KAZN: variants seen among roughly 807,000 people sequenced by gnomAD.
KAZN encodes kazrin.
A neutral mutation model predicts 87.4 loss-of-function variants in KAZN; 40 were observed. The ratio of observed to expected loss-of-function variants is 0.46; its 90% CI spans 0.36 to 0.60. The LOEUF is 0.60. KAZN is among the 20% of genes least tolerant of loss of function. The pLI, the probability that KAZN is intolerant of heterozygous loss-of-function variation, is 0.00. For synonymous variants in KAZN, 466 were observed against 458.3 expected (o/e 1.02, Z -0.22); for missense variants, 898 against 1,073.9 (o/e 0.84, Z 2.29).
intron 2 of KAZN, among the ~76,000 whole-genome samples, chr1:14,491,053 T>A (rs1186877548): frequency 3.3e-5 from 5 of 152,248 alleles, no homozygotes; most frequent in Non-Finnish European, 5.9e-5. Flanking sequence ...TATACATTTG[T>A]TCACATCTTC....
At chr1:14,882,496 A>G (rs2101105432) in intron 1 of KAZN, among the ~76,000 whole-genome samples, 1 of 152,176 alleles carries the variant, frequency 6.6e-6, no homozygotes, top group Non-Finnish European at 1.5e-5. Flanking sequence ...CGTGGAAATC[A>G]CCCTGCTCGA....
chr1:15,094,225 C>T lies in KAZN; in HGVS notation c.1268C>T (p.Ser423Leu), dbSNP rs753818530. 5.7e-5 allele frequency: 92 copies of T among 1,613,702 alleles called. No homozygotes were observed. The highest frequency in any genetic ancestry group is 7.5e-5 in the Non-Finnish European group (89 of 1,179,894). Residue 423 changes from serine to leucine, a missense_variant, in exon 9 of 15, where the codon TCG (serine) becomes TTG (leucine). By Grantham distance (145) the Ser-to-Leu change is moderately radical. Coordinates refer to ENST00000376030, the MANE Select transcript of KAZN (RefSeq NM_201628.3). The surrounding 1 kb of genome is among the most constrained non-coding windows in gnomAD (Gnocchi z 4.5). ...CSPTRQSLSL[S>L]EGEEQMDRLQ... ...CCCACGCGGCAGAGCCTCAGCCTGT[C>T]GGAAGGCGAGGAGCAGATGGACCGG...
chr1:13,909,667 CCTTT>C (rs148612882), intron 1 of KAZN, among the ~76,000 whole-genome samples: 9,656 of 152,156 alleles, frequency 0.063, 402 homozygotes, highest in Middle Eastern at 0.11. Flanking sequence ...TAAAATAAGA[CCTTT>C]CTTTCTTGGC....
intron 1 of KAZN, among the ~76,000 whole-genome samples, chr1:14,617,076 C>A (rs1489576012): frequency 6.6e-6 from 1 of 152,198 alleles, no homozygotes; most frequent in Admixed American, 6.5e-5. Flanking sequence ...CCGTTCCTTT[C>A]ACTGGATTCA....
At chr1:14,290,584 T>G (rs1040695255) in intron 2 of KAZN, among the ~76,000 whole-genome samples, 5 of 152,202 alleles carry the variant, frequency 3.3e-5, no homozygotes, top group Non-Finnish European at 7.3e-5. Context: ...TATCTAATCT[T>G]TTTTCAAGGT....
At chr1:14,656,033 A>T (rs932825879) in intron 1 of KAZN, among the ~76,000 whole-genome samples, 2 of 152,016 alleles carry the variant, frequency 1.3e-5, no homozygotes, top group Admixed American at 6.6e-5. Flanking sequence ...CCTTCATTCA[A>T]CCCACACTTG....
chr1:14,405,607 T>C (rs1663775487), intron 2 of KAZN, among the ~76,000 whole-genome samples: 1 of 14,348 alleles, frequency 7.0e-5, no homozygotes, highest in African/African-American at 2.3e-4. Context: ...CCCAATAAAA[T>C]GTGTGTGTGT....
rs1163083761 is a variant in KAZN, at chr1:14,599,688, TC to T, written c.226+466del. On this transcript the variant is annotated intron_variant, in intron 1 of 14. Transcript: ENST00000376030. This position sits in a 1 kb window ranked among gnomAD's most constrained non-coding sequence, Gnocchi z 4.4. ...AGAGGATTGCACTGCTGTGCACTTTTCTCCGCGGATGCCAAATCCCTTGGCT... is the reference window on the plus strand; with the variant it reads ...AGAGGATTGCACTGCTGTGCACTTTTTCCGCGGATGCCAAATCCCTTGGCT... Among the ~76,000 whole-genome samples the T allele has an allele frequency of 6.6e-6, 1 of 152,254 alleles. No homozygotes were observed. Among genetic ancestry groups the T allele is most frequent in the Non-Finnish European group, 1.5e-5 (1 of 68,052 alleles).
At chr1:14,754,964 G>A (rs1185626603) in intron 1 of KAZN, among the ~76,000 whole-genome samples, 2 of 151,930 alleles carry the variant, frequency 1.3e-5, no homozygotes, top group East Asian at 3.9e-4. Context: ...TCGCATGACC[G>A]GGCCCAGTGG....
intron 1 of KAZN, among the ~76,000 whole-genome samples, chr1:14,780,715 CA>C (rs1645309321): frequency 6.6e-6 from 1 of 152,268 alleles, no homozygotes; most frequent in African/African-American, 2.4e-5. Flanking sequence ...CTCAGCATGG[CA>C]CCTGGAATAC....
At chr1:14,866,419 G>T (rs1651467557) in intron 1 of KAZN, among the ~76,000 whole-genome samples, 1 of 152,170 alleles carries the variant, frequency 6.6e-6, no homozygotes, top group Non-Finnish European at 1.5e-5. Context: ...AGCCTGGCAT[G>T]CAGTTAACAT....
chr1:14,662,262 C>A (rs530494800), intron 1 of KAZN, among the ~76,000 whole-genome samples: 2 of 152,294 alleles, frequency 1.3e-5, no homozygotes, highest in East Asian at 3.9e-4. Context: ...TACTAGGTGT[C>A]AGTGTGGGCA....
At chr1:14,170,039 G>A (rs1466858006) in intron 1 of KAZN, among the ~76,000 whole-genome samples, 29 of 152,234 alleles carry the variant, frequency 1.9e-4, no homozygotes, top group Non-Finnish European at 2.1e-4. Flanking sequence ...CATGGGCTTG[G>A]CTTTCTAAAA....
intron 1 of KAZN, among the ~76,000 whole-genome samples, chr1:14,858,870 T>C (rs1042869397): frequency 2.6e-5 from 4 of 152,162 alleles, no homozygotes; most frequent in African/African-American, 9.7e-5. Flanking sequence ...CCTCGGTCTC[T>C]CATCATGTAC....
intron 2 of KAZN, among the ~76,000 whole-genome samples, chr1:14,202,826 G>A (rs1646666569): frequency 6.6e-6 from 1 of 152,064 alleles, no homozygotes; most frequent in Non-Finnish European, 1.5e-5. Flanking sequence ...AGACCAGCCT[G>A]GCCAACATGC....
rs2101763036 is a variant in KAZN at position 14,959,371 on chromosome 1, G to A, written c.227-1313G>A. ...GGCACTGCAGAGACAAAGGCCCTAT[G>A]CTGGAAAGAGTGTGGCATATTGTAG... On this transcript the variant is annotated intron_variant, in intron 1 of 14. Coordinates refer to ENST00000376030, the MANE Select transcript of KAZN (RefSeq NM_201628.3). Among the ~76,000 whole-genome samples the A allele has an allele frequency of 1.3e-5, 2 of 152,352 alleles. 1 individual carries two copies. Among genetic ancestry groups the A allele is most frequent in the South Asian group, 4.1e-4 (2 of 4,832 alleles).
At chr1:14,946,265 C>A (rs1209699636) in intron 1 of KAZN, 3 of 151,882 alleles carry the variant, frequency 2.0e-5, no homozygotes, top group Admixed American at 6.6e-5. Flanking sequence ...ACAGTGAGTC[C>A]CCAGGTTTGC....
chr1:15,091,339 T>G (rs1222810431), intron 8 of KAZN, among the ~76,000 whole-genome samples: 2 of 152,154 alleles, frequency 1.3e-5, no homozygotes, highest in African/African-American at 4.8e-5. Context: ...TGCTGTGTTT[T>G]GTTGTTTTTT....
At chr1:14,146,923 C>T (rs1207177764) in intron 1 of KAZN, among the ~76,000 whole-genome samples, 1 of 152,042 alleles carries the variant, frequency 6.6e-6, no homozygotes, top group Non-Finnish European at 1.5e-5. Context: ...TCCGCTTCTT[C>T]CACTTCTGTC....
Sources: allele counts gnomAD v4.1 joint callset (sites outside exome capture counted in the v4.1 genomes callset), GRCh38; gene constraint gnomAD v4.1.1; non-coding constraint Gnocchi (gnomAD v3.1); transcripts MANE v1.5; gene names NCBI Gene and HGNC (gene_info 2026-07-23, HGNC 2026-07-21).